The following SLC3A1 variants were observed in gnomAD, a reference collection of about 807,000 sequenced individuals.
SLC3A1 encodes the protein amino acid transporter heavy chain SLC3A1.
Under a neutral mutation model 60.3 loss-of-function variants are expected in SLC3A1, and 78 were observed. The ratio of observed to expected loss-of-function variants is 1.29; its 90% CI spans 1.08 to 1.56. SLC3A1 has a LOEUF of 1.56. Among genes scored for constraint, SLC3A1 ranks in the 40% most tolerant of loss-of-function variants. The pLI is 0.00. For missense variants in SLC3A1, 1,172 were observed against 858.9 expected, an observed-to-expected ratio of 1.36 and a Z score of -4.56; for synonymous variants, 392 against 307.9, an observed-to-expected ratio of 1.27 and a Z score of -2.86.
intron 4 of SLC3A1, 61 bp from the exon 5 acceptor site, chr2:44,299,910 A>G: frequency 6.3e-7 from 1 of 1,581,496 alleles, no homozygotes; most frequent in Non-Finnish European, 8.7e-7. Context: ...CAAAACTTTG[A>G]TTAAACGTTG....
At chr2:44,293,458 A>G (rs1671780915) in intron 4 of SLC3A1, among the ~76,000 whole-genome samples, 1 of 152,084 alleles carries the variant, frequency 6.6e-6, no homozygotes, top group African/African-American at 2.4e-5. Context: ...CAGAGGTTGC[A>G]GTGAGCCGAG....
chr2:44,289,334 C>A (rs185489534), intron 4 of SLC3A1, among the ~76,000 whole-genome samples: 32 of 151,114 alleles, frequency 2.1e-4, no homozygotes, highest in Admixed American at 5.9e-4. Flanking sequence ...CCTCAGCCAC[C>A]CAAGTAGCTG....
chr2:44,321,699 G>A, downstream of SLC3A1: 3 of 1,577,090 alleles, frequency 1.9e-6, no homozygotes, highest in Non-Finnish European at 2.6e-6. Flanking sequence ...CTCCCCTCCT[G>A]GGTCTCACCC....
In SLC3A1 at chr2:44,312,564, C is replaced by G. The variant is rs2304768; in HGVS notation, c.1333-22C>G. On this transcript the variant is annotated intron_variant, in intron 7 of 9. Coordinates refer to ENST00000260649, the MANE Select transcript of SLC3A1 (RefSeq NM_000341.4). ...AGAAAACTGTGTATACAGCTGTGTT[C>G]TTAAAAATATCTGCCTTTCAGATTG... 311 of 1,613,046 alleles carry G rather than the reference C, an allele frequency of 1.9e-4. No homozygotes were observed. The East Asian group carries it at 5.9e-3, about 30-fold the overall frequency.
At chr2:44,276,324 C>G (rs1053036770) in intron 1 of SLC3A1, among the ~76,000 whole-genome samples, 2 of 152,090 alleles carry the variant, frequency 1.3e-5, no homozygotes, top group Non-Finnish European at 2.9e-5. Context: ...GTCAGGGTGG[C>G]AGTTGGGAAT....
intron 1 of SLC3A1, among the ~76,000 whole-genome samples, 161 bp from the exon 2 acceptor site, chr2:44,280,555 T>G (rs1422461499): frequency 2.0e-5 from 3 of 152,232 alleles, no homozygotes; most frequent in Non-Finnish European, 4.4e-5. Context: ...ATATTTTTTG[T>G]AGAGCTAGAT....
chr2:44,278,427 G>A (rs931267402), intron 1 of SLC3A1, among the ~76,000 whole-genome samples: 15 of 151,988 alleles, frequency 9.9e-5, no homozygotes, highest in East Asian at 5.8e-4. Flanking sequence ...CAGCCTGGGC[G>A]ACAGAGCGAG....
At position 44,312,617 on chromosome 2, in the gene SLC3A1, CG is replaced by C. The variant is rs779941675; in HGVS notation, c.1365del (p.Arg456ValfsTer9). 2 of 1,613,910 alleles carry C rather than the reference CG, an allele frequency of 1.2e-6. No individual in the cohort carries two copies. The highest frequency in any genetic ancestry group is 4.5e-5 in the East Asian group (2 of 44,870). On this transcript the variant is annotated frameshift_variant, in exon 8 of 10. Coordinates refer to ENST00000260649, the MANE Select transcript of SLC3A1 (RefSeq NM_000341.4). LOFTEE classifies it high-confidence loss of function. ...GGACCAGACAGTTCACGGCTGACTT[CG>C]CGTTTGGGGAATCAGTATGTCAACG... ...IGGPDSSRLT[S>X]RLGNQYVNVM...
intron 2 of SLC3A1, among the ~76,000 whole-genome samples, chr2:44,281,184 G>T (rs1159379659): frequency 2.3e-5 from 3 of 128,734 alleles, no homozygotes; most frequent in Non-Finnish European, 3.2e-5. Flanking sequence ...TTCCAGGCAG[G>T]GTCTTGCTCT....
chr2:44,281,001 C>G, intron 2 of SLC3A1, 106 bp downstream of exon 2: 6 of 944,484 alleles, frequency 6.4e-6, no homozygotes, highest in Middle Eastern at 2.1e-4. Flanking sequence ...TATACTATTT[C>G]TTTCCCTCCC....
intron 1 of SLC3A1, among the ~76,000 whole-genome samples, chr2:44,276,985 A>C (rs2104327716): frequency 6.6e-6 from 1 of 152,320 alleles, no homozygotes; most frequent in East Asian, 1.9e-4. Context: ...GAATGTGGAA[A>C]GTAGGAATGG....
At chr2:44,286,457 C>G (rs372808972) in intron 4 of SLC3A1, among the ~76,000 whole-genome samples, 36 of 152,312 alleles carry the variant, frequency 2.4e-4, no homozygotes, top group African/African-American at 8.7e-4. Context: ...ACCTGCCACC[C>G]TAGCTCCAAG....
intron 7 of SLC3A1, among the ~76,000 whole-genome samples, chr2:44,311,398 A>G (rs759448862): frequency 6.6e-6 from 1 of 150,746 alleles, no homozygotes; most frequent in Non-Finnish European, 1.5e-5. Flanking sequence ...TTTGCTATTG[A>G]CTCCCCCCAC....
rs1297802490 is a variant in SLC3A1, at chr2:44,304,198, G to A, written c.1192G>A (p.Gly398Arg). ...ESIDRTVMYYGLPFIQEADFP... is the reference protein window; with the variant it reads ...ESIDRTVMYYRLPFIQEADFP... ...TATTGACAGGACCGTGATGTACTAT[G>A]GATTGCCATTTATCCAAGAAGCTGA... is the stretch of plus-strand genomic sequence containing the variant. The change falls in exon 7 of 10, where the codon GGA (glycine) becomes AGA (arginine). Residue 398 changes from glycine to arginine, a missense_variant. Coordinates refer to ENST00000260649, the MANE Select transcript of SLC3A1 (RefSeq NM_000341.4). The A allele has an allele frequency of 6.2e-7, 1 of 1,614,104 alleles. No homozygotes were observed. The highest frequency in any genetic ancestry group is 8.5e-7 in the Non-Finnish European group (1 of 1,179,982).
intron 7 of SLC3A1, among the ~76,000 whole-genome samples, chr2:44,310,626 T>A (rs571579818): frequency 6.6e-6 from 1 of 152,220 alleles, no homozygotes; most frequent in Non-Finnish European, 1.5e-5. Flanking sequence ...TTTGTCCTAC[T>A]TGGAGTTCAT....
chr2:44,283,838 C>G (rs1007301938), intron 3 of SLC3A1, among the ~76,000 whole-genome samples: 10 of 151,786 alleles, frequency 6.6e-5, no homozygotes, highest in Non-Finnish European at 1.2e-4. Context: ...CTATTTTGAA[C>G]TTTATGAAAA....
chr2:44,302,254 C>T (rs973583286), intron 6 of SLC3A1, among the ~76,000 whole-genome samples: 1 of 152,158 alleles, frequency 6.6e-6, no homozygotes, highest in African/African-American at 2.4e-5. Flanking sequence ...ACATAAGTCT[C>T]AGTTGTCTCA....
At chr2:44,297,553 G>A (rs557114238) in intron 4 of SLC3A1, among the ~76,000 whole-genome samples, 1 of 152,194 alleles carries the variant, frequency 6.6e-6, no homozygotes, top group South Asian at 2.1e-4. Flanking sequence ...AGGCAGAGGT[G>A]TCTCCTCTCA....
chr2:44,285,492 A>T (rs1463483110), intron 3 of SLC3A1: 2 of 361,514 alleles, frequency 5.5e-6, no homozygotes, highest in East Asian at 7.3e-5. Context: ...GACAGAGGAG[A>T]CCAGCGACAT....
Sources: allele counts gnomAD v4.1 joint callset (sites outside exome capture counted in the v4.1 genomes callset), GRCh38; gene constraint gnomAD v4.1.1; transcripts MANE v1.5; gene names NCBI Gene and HGNC (gene_info 2026-07-23, HGNC 2026-07-21).